HRG: variants seen among roughly 807,000 people sequenced by gnomAD.
HRG encodes histidine rich glycoprotein.
HRG carries 26 observed loss-of-function variants against 29.5 expected under a neutral mutation model. The ratio of observed to expected loss-of-function variants is 0.88; its 90% confidence interval spans 0.65 to 1.22. HRG has a LOEUF of 1.22. Among genes scored for constraint, HRG ranks in the 50% most tolerant of loss-of-function variants. The pLI, the probability that HRG is intolerant of heterozygous loss-of-function variation, is 0.00. For synonymous variants in HRG, 243 were observed against 240.4 expected (o/e 1.01, Z -0.10); for missense variants, 671 against 654.5 (o/e 1.03, Z -0.28).
chr3:186,675,865 CTTTTTTTTT>C (rs56248425), intron 6 of HRG, among the ~76,000 whole-genome samples: 9 of 97,104 alleles, frequency 9.3e-5, no homozygotes, highest in African/African-American at 3.6e-4. Context: ...ATGGCTCTGT[CTTTTTTTTT>C]TTTTTTTTTT....
At chr3:186,670,243 C>A (rs1052866430) in intron 3 of HRG, among the ~76,000 whole-genome samples, 2 of 152,114 alleles carry the variant, frequency 1.3e-5, no homozygotes, top group Admixed American at 1.3e-4. Flanking sequence ...TACTGGTACA[C>A]CTTCTTTTAA....
In HRG at chr3:186,674,994, A is replaced by T. The variant is rs554924439; in HGVS notation, c.640-95A>T. ...CATATTACCCTGATTTTTCTAAAGCACTTCTTCCTTTTCTGAATGTCTGGA... is the reference window on the plus strand; with the variant it reads ...CATATTACCCTGATTTTTCTAAAGCTCTTCTTCCTTTTCTGAATGTCTGGA... On this transcript the variant is annotated intron_variant, in intron 5 of 6. Transcript: ENST00000232003. The T allele has an allele frequency of 1.7e-4, 140 of 822,662 alleles. 4 individuals carry two copies. The South Asian group carries it at 1.8e-3, about 11-fold the overall frequency. 51.0% of individuals were successfully genotyped at this position (822,662 alleles called of 1,614,324 possible).
chr3:186,666,282 C>T (rs1718608988), intron 1 of HRG, 68 bp downstream of exon 1: 2 of 1,491,864 alleles, frequency 1.3e-6, no homozygotes, highest in Non-Finnish European at 1.9e-6. Context: ...ACTCTACCCC[C>T]TAGGCTTACT....
Position 186,666,016 on chromosome 3 carries a change from G to A in HRG, c.-16G>A, listed in dbSNP as rs1038705263. The stretch of plus-strand genomic sequence containing the variant: ...TCTCTGCAGTGGCAGATCATAGCAA[G>A]GGATGGTTTAACAAAATGAAGGCAC... On this transcript the variant is annotated 5_prime_UTR_variant, in exon 1 of 7. Transcript: ENST00000232003. The A allele has an allele frequency of 1.9e-6, 3 of 1,613,548 alleles. No individual in the cohort carries two copies. In the South Asian group the frequency reaches 3.3e-5, roughly 18 times the overall value.
At chr3:186,670,217 A>C (rs1171781029) in intron 3 of HRG, among the ~76,000 whole-genome samples, 189 bp downstream of exon 3, 1 of 152,202 alleles carries the variant, frequency 6.6e-6, no homozygotes, top group East Asian at 1.9e-4. Context: ...AATAGAATTG[A>C]GACAAATTTC....
At position 186,677,110 on chromosome 3, in the gene HRG, G is replaced by A. The variant is rs770042147; in HGVS notation, c.805G>A (p.Glu269Lys). The change falls in exon 7 of 7, where the codon GAG becomes AAG. Residue 269 changes from glutamate (E) to lysine (K), a missense_variant. Coordinates refer to ENST00000232003, the MANE Select transcript of HRG (RefSeq NM_000412.5). ...LGHPFHWGGH[E>K]RSSTTKPPFK... is the part of the protein sequence containing the mutation. ...ACATCCCTTCCACTGGGGTGGGCATGAGCGTTCTTCTACCACCAAGCCTCC... is the reference window on the plus strand; with the variant it reads ...ACATCCCTTCCACTGGGGTGGGCATAAGCGTTCTTCTACCACCAAGCCTCC... 9 of 1,613,932 alleles carry A rather than the reference G, an allele frequency of 5.6e-6. No individual in the cohort carries two copies. The African/African-American group carries it at 1.2e-4, about 22-fold the overall frequency.
rs771189618 is a variant in HRG, at chr3:186,677,295, C to T, written c.990C>T (p.Ala330=). ...TGTCCTGCTCAAGTTGTCAACATGC[C>T]ACTTTTGGCACAAATGGGGCCCAAA... ...LPMSCSSCQH[A]TFGTNGAQRH... Residue 330 remains alanine (A), a synonymous_variant, in exon 7 of 7, where the codon GCC becomes GCT. Transcript: ENST00000232003. The T allele has an allele frequency of 1.9e-6, 3 of 1,614,008 alleles. No homozygotes were observed. Among genetic ancestry groups the T allele is most frequent in the South Asian group, 1.1e-5 (1 of 91,084 alleles).
intron 1 of HRG, 104 bp from the exon 2 acceptor site, chr3:186,668,831 G>A (rs1718691170): frequency 1.4e-6 from 1 of 716,652 alleles, no homozygotes; most frequent in Admixed American, 2.0e-5. Context: ...ACAGTGAGAG[G>A]AACAGGAATT....
intron 6 of HRG, among the ~76,000 whole-genome samples, chr3:186,675,480 A>G (rs75305175): frequency 0.016 from 2,506 of 152,266 alleles, 67 homozygotes; most frequent in African/African-American, 0.057. Flanking sequence ...AACTTTTCCA[A>G]GAATTGAAGA....
At position 186,672,984 on chromosome 3, in the gene HRG, G is replaced by A. The variant is rs181431796; in HGVS notation, c.639+117G>A. 9 of 760,608 alleles carry A rather than the reference G, an allele frequency of 1.2e-5. No homozygotes were observed. In the East Asian group the frequency reaches 1.5e-4, roughly 13 times the overall value. The allele number at this position is 760,608 out of a possible 1,614,324, so 47.1% of individuals were successfully genotyped here. ...AGAAGAAGGAGAAGAGGAATGAGAA[G>A]GAGAAAATGAGGAGGAGGAGAAGGA... On this transcript the variant is annotated intron_variant, in intron 5 of 6. Transcript: ENST00000232003.
At chr3:186,666,641 G>A (rs746153230) in intron 1 of HRG, among the ~76,000 whole-genome samples, 6 of 152,176 alleles carry the variant, frequency 3.9e-5, no homozygotes, top group African/African-American at 7.2e-5. Context: ...AAGGCCAGGC[G>A]CGGTGGCTCA....
At chr3:186,673,867 A>C (rs1044816267) in intron 5 of HRG, 9 of 152,154 alleles carry the variant, frequency 5.9e-5, no homozygotes, top group Non-Finnish European at 5.9e-5. Context: ...TTGCATGGTG[A>C]CCTACAGTTA....
intron 5 of HRG, 55 bp downstream of exon 5, chr3:186,672,922 GAGAAGA>G: frequency 8.8e-7 from 1 of 1,130,868 alleles, no homozygotes; most frequent in Non-Finnish European, 1.3e-6. Context: ...AAAAAAGAAA[GAGAAGA>G]AGGAGAAGGA....
At chr3:186,668,907 C>T in intron 1 of HRG, 28 bp from the exon 2 acceptor site, 2 of 1,218,180 alleles carry the variant, frequency 1.6e-6, no homozygotes, top group Non-Finnish European at 2.4e-6. Context: ...CCATGTGCTA[C>T]TCACATGTTG....
At position 186,671,656 on chromosome 3, in the gene HRG, C is replaced by T. The variant is rs772302362; in HGVS notation, c.425C>T (p.Pro142Leu). Residue 142 changes from proline (P) to leucine (L), a missense_variant, in exon 4 of 7, where the codon CCG becomes CTG. Physicochemically the swap from Pro to Leu is moderately conservative, Grantham distance 98 (BLOSUM62 -3). Coordinates refer to ENST00000232003, the MANE Select transcript of HRG (RefSeq NM_000412.5). ...GCACTGGCCAATACCAAAGATAGTC[C>T]GGTCCTCATAGATTTCTTTGAGGAT... ...SSALANTKDS[P>L]VLIDFFEDTE... 36 of 1,613,972 alleles carry T rather than the reference C, an allele frequency of 2.2e-5. No individual in the cohort carries two copies. The Middle Eastern group carries it at 5.0e-4, about 22-fold the overall frequency.
At chr3:186,668,728 T>C in intron 1 of HRG, 1 of 547,256 alleles carries the variant, frequency 1.8e-6, no homozygotes, top group Non-Finnish European at 3.3e-6. Context: ...AGAAGACAAA[T>C]CAGGACCACT....
At chr3:186,668,555 T>C (rs920206441) in intron 1 of HRG, 3 of 219,668 alleles carry the variant, frequency 1.4e-5, no homozygotes, top group Admixed American at 5.2e-5. Context: ...AAGCAGAAAA[T>C]CCCATGATCA....
intron 1 of HRG, 38 bp downstream of exon 1, chr3:186,666,252 T>C: frequency 1.2e-6 from 2 of 1,603,180 alleles, no homozygotes; most frequent in Non-Finnish European, 1.7e-6. Flanking sequence ...GTTGGGAGAT[T>C]ACTCACGGGG....
rs1393395348 is a variant in HRG, at chr3:186,666,049, A to T, written c.18A>T (p.Ala6=). The part of the protein sequence containing the change: MKALI[A]ALLLITLQYS... Reference sequence around the variant, plus strand: ...TTAACAAAATGAAGGCACTCATTGCAGCACTGCTTTTGATCACATTGCAGT... The same window carrying T: ...TTAACAAAATGAAGGCACTCATTGCTGCACTGCTTTTGATCACATTGCAGT... The change falls in exon 1 of 7, where the codon GCA becomes GCT. Residue 6 remains alanine (A), a synonymous_variant. Transcript: ENST00000232003. 3.1e-6 allele frequency: 5 copies of T among 1,614,246 alleles called. No homozygotes were observed. Among genetic ancestry groups the T allele is most frequent in the South Asian group, 1.1e-5 (1 of 91,090 alleles).
Sources: gnomAD v4.1 joint callset for allele counts (sites outside exome capture counted in the v4.1 genomes callset) on GRCh38, gnomAD v4.1.1 for gene constraint, MANE v1.5 for transcripts, NCBI Gene and HGNC (gene_info 2026-07-23, HGNC 2026-07-21) for gene names.